DMPK: variants seen among roughly 807,000 people sequenced by gnomAD.
DMPK encodes the protein myotonin-protein kinase.
Under a neutral mutation model 70.3 loss-of-function variants are expected in DMPK, and 32 were observed. That is an observed-to-expected ratio of 0.46 (90% CI 0.34 to 0.61). The LOEUF (loss-of-function observed/expected upper bound fraction) is 0.61. Ranked by LOEUF, DMPK falls within the 20% of genes least tolerant of loss-of-function variation. The probability of loss-of-function intolerance (pLI) is 0.01; values close to 1 mark genes in which losing one functional copy is unlikely to be tolerated. For synonymous variants in DMPK, 469 were observed against 390.9 expected (o/e 1.20, Z -2.36); for missense variants, 899 against 886.0 (o/e 1.01, Z -0.19).
At position 45,776,134 on chromosome 19, in the gene DMPK, AT is replaced by A. The variant is rs534946812; in HGVS notation, c.1147-1101del. Among the ~76,000 whole-genome samples, 402 of 48,338 alleles carry A rather than the reference AT, an allele frequency of 8.3e-3. 12 individuals carry two copies. Among genetic ancestry groups the A allele is most frequent in the African/African-American group, 0.03 (355 of 11,940 alleles). 31.7% of individuals were successfully genotyped at this position (48,338 alleles called of 152,430 possible). A position where few individuals can be genotyped will look rare whatever the true frequency, so the allele number is the denominator to read the frequency against. ...ACAGCGCCCGGCCGCGGTCCAGCCTATTTTTTTTTTTTTTTTTTTTTTTTTC... is the reference window on the plus strand; with the variant it reads ...ACAGCGCCCGGCCGCGGTCCAGCCTATTTTTTTTTTTTTTTTTTTTTTTTC... On this transcript the variant is annotated intron_variant, in intron 8 of 14. Coordinates refer to ENST00000291270, the MANE Select transcript of DMPK (RefSeq NM_004409.5).
Position 45,777,319 on chromosome 19 carries a change from G to A in DMPK, c.1146+8C>T, listed in dbSNP as rs1969825638. ...TCCCGCAGCCGAGCAGGGGCCACAG[G>A]TACCTACCCCGCCCCCGCTCACCAT... On this transcript the variant is annotated splice_region_variant and intron_variant, in intron 8 of 14. Coordinates refer to ENST00000291270, the MANE Select transcript of DMPK (RefSeq NM_004409.5). The surrounding 1 kb of genome is among the most constrained non-coding windows in gnomAD (Gnocchi z 6.7). The A allele has an allele frequency of 6.4e-7, 1 of 1,556,832 alleles. No homozygotes were observed. The highest frequency in any genetic ancestry group is 1.4e-5 in the African/African-American group (1 of 73,464).
rs1208053748 is a variant in DMPK at position 45,769,974 on chromosome 19, G to A, written c.*514C>T. ...GGGCGCGGGATCCCCGAAAAAGCGG[G>A]TTTGGCAAAAGCAAATTTCCCGAGT... On this transcript the variant is annotated 3_prime_UTR_variant, in exon 15 of 15. Coordinates refer to ENST00000291270, the MANE Select transcript of DMPK (RefSeq NM_004409.5). 6.3e-6 allele frequency: 2 copies of A among 319,270 alleles called. No homozygotes were observed. Among genetic ancestry groups the A allele is most frequent in the South Asian group, 3.3e-5 (1 of 29,904 alleles). The allele number at this position is 319,270 out of a possible 1,614,324, so 19.8% of individuals were successfully genotyped here. A position where few individuals can be genotyped will look rare whatever the true frequency, so the allele number is the denominator to read the frequency against.
At chr19:45,781,646 G>C (rs1265955514) in intron 1 of DMPK, among the ~76,000 whole-genome samples, 2 of 152,226 alleles carry the variant, frequency 1.3e-5, no homozygotes, top group Admixed American at 1.3e-4. Context: ...TGTCTGCAAA[G>C]CTGGTTCTCC....
chr19:45,770,595 C>G lies in DMPK; in HGVS notation c.1783G>C (p.Ala595Pro). The change falls in exon 15 of 15, where the codon GCC (alanine) becomes CCC (proline). Residue 595 changes from alanine to proline, a missense_variant. This residue lies in a region of DMPK where 555 missense variants were observed against 483.8 expected (regional missense o/e 1.15). Coordinates refer to ENST00000291270, the MANE Select transcript of DMPK (RefSeq NM_004409.5). Reference protein sequence around the residue: ...LSEALSLLLFAVVLSRAAALG... With the variant: ...LSEALSLLLFPVVLSRAAALG... ...GCGGCGGCACGAGACAGAACAACGGCGAACAGGAGCAGGGAAAGCGCCTCC... is the reference window on the plus strand; with the variant it reads ...GCGGCGGCACGAGACAGAACAACGGGGAACAGGAGCAGGGAAAGCGCCTCC... The G allele has an allele frequency of 1.3e-6, 2 of 1,552,792 alleles. No individual in the cohort carries two copies. Among genetic ancestry groups the G allele is most frequent in the South Asian group, 2.4e-5 (2 of 84,144 alleles).
At position 45,770,090 on chromosome 19, in the gene DMPK, T is replaced by G; in HGVS notation, c.*398A>C. ...TTTGCGAACCAACGATAGGTGGGGGTGCGTGGAGGATGGAACACGGACGGC... is the reference window on the plus strand; with the variant it reads ...TTTGCGAACCAACGATAGGTGGGGGGGCGTGGAGGATGGAACACGGACGGC... On this transcript the variant is annotated 3_prime_UTR_variant, in exon 15 of 15. Coordinates refer to ENST00000291270, the MANE Select transcript of DMPK (RefSeq NM_004409.5). 2 of 542,510 alleles carry G rather than the reference T, an allele frequency of 3.7e-6. No homozygotes were observed. Among genetic ancestry groups the G allele is most frequent in the Admixed American group, 5.2e-5 (2 of 38,314 alleles). 33.6% of individuals were successfully genotyped at this position (542,510 alleles called of 1,614,324 possible). A position where few individuals can be genotyped will look rare whatever the true frequency, so the allele number is the denominator to read the frequency against.
At chr19:45,771,185 G>A in intron 13 of DMPK, 125 bp from the exon 14 acceptor site, 13 of 1,186,390 alleles carry the variant, frequency 1.1e-5, no homozygotes, top group Non-Finnish European at 1.5e-5. Flanking sequence ...GGAATCTGGT[G>A]AGGCCTGAAC....
Position 45,771,911 on chromosome 19 carries a change from T to C in DMPK, c.1362A>G (p.Pro454=), listed in dbSNP as rs1229613243. 6.3e-7 allele frequency: 1 copy of C among 1,595,942 alleles called. No individual in the cohort carries two copies. ...PQDETAEVAV[P]AAVPAAEAEA... is the part of the protein sequence containing the mutation. Reference sequence around the variant, plus strand: ...CAGCCTCTGCCGCAGGGACAGCCGCTGGAACTGCCACTTCAGCCTGTGTAT... The same window carrying C: ...CAGCCTCTGCCGCAGGGACAGCCGCCGGAACTGCCACTTCAGCCTGTGTAT... Residue 454 remains proline (P), a synonymous_variant, in exon 11 of 15, where the codon CCA becomes CCG. Transcript: ENST00000291270.
In DMPK at chr19:45,777,834, A is replaced by T. The variant is rs1202672281; in HGVS notation, c.715T>A (p.Ser239Thr). The T allele has an allele frequency of 1.9e-6, 3 of 1,611,360 alleles. No homozygotes were observed. The highest frequency in any genetic ancestry group is 3.3e-5 in the Admixed American group (2 of 59,984). Residue 239 changes from serine to threonine, a missense_variant, in exon 7 of 15, where the codon TCC becomes ACC. Physicochemically the swap from Ser to Thr is moderately conservative, Grantham distance 58 (BLOSUM62 1). Around this residue, in one of 3 missense-constraint regions of DMPK, gnomAD observed 195 missense variants for 259.7 expected, o/e 0.75. Coordinates refer to ENST00000291270, the MANE Select transcript of DMPK (RefSeq NM_004409.5). The surrounding 1 kb of genome is among the most constrained non-coding windows in gnomAD (Gnocchi z 6.7). The stretch of plus-strand genomic sequence containing the variant: ...CCCACAGCCTGCAGGATCTCGGGGG[A>T]CAGGTAGTCTGGGGTGCCCACAGCC... ...LVAVGTPDYL[S>T]PEILQAVGGG...
At position 45,778,228 on chromosome 19, in the gene DMPK, G is replaced by A; in HGVS notation, c.582-8C>T. 1 of 1,610,342 alleles carries A rather than the reference G, an allele frequency of 6.2e-7. No individual in the cohort carries two copies. Among genetic ancestry groups the A allele is most frequent in the East Asian group, 2.2e-5 (1 of 44,744 alleles). On this transcript the variant is annotated splice_polypyrimidine_tract_variant and splice_region_variant and intron_variant, in intron 5 of 14. Coordinates refer to ENST00000291270, the MANE Select transcript of DMPK (RefSeq NM_004409.5). ...TTGTCGGGTTTGATGTCCCTGCACG[G>A]AGGAAAAGAGAAGGGTGGGATAAAT...
chr19:45,773,522 C>G (rs1301855982), intron 9 of DMPK, among the ~76,000 whole-genome samples: 4 of 152,242 alleles, frequency 2.6e-5, no homozygotes, highest in Non-Finnish European at 5.9e-5. Context: ...CTGTTCTCCA[C>G]TATTTAAACA....
At position 45,772,578 on chromosome 19, in the gene DMPK, G is replaced by C. The variant is rs1158442162; in HGVS notation, c.1344+63C>G. On this transcript the variant is annotated intron_variant, in intron 10 of 14. Transcript: ENST00000291270. ...AGGGCTCTACAGTGCACGCCACCCG[G>C]GAAGCCCTCACCTTTTCTCTCCCAA... 1.7e-5 allele frequency: 19 copies of C among 1,110,376 alleles called. No homozygotes were observed. The East Asian group carries it at 4.6e-4, about 27-fold the overall frequency. 68.8% of individuals were successfully genotyped at this position (1,110,376 alleles called of 1,614,324 possible).
At chr19:45,773,156 G>GGGGTCCTAA (rs1969571137) in intron 9 of DMPK, among the ~76,000 whole-genome samples, 3 of 152,216 alleles carry the variant, frequency 2.0e-5, no homozygotes, top group Non-Finnish European at 4.4e-5. Flanking sequence ...TCCTAAGACT[G>GGGGTCCTAA]GGCATGGGAC....
At position 45,780,645 on chromosome 19, in the gene DMPK, GGAA is replaced by G. The variant is rs1970061898; in HGVS notation, c.161-779_161-777del. On this transcript the variant is annotated intron_variant, in intron 1 of 14. Coordinates refer to ENST00000291270, the MANE Select transcript of DMPK (RefSeq NM_004409.5). The stretch of plus-strand genomic sequence containing the variant: ...CAGGGAGGCCTGGACTCCCGGGGGT[GGAA>G]GAAGTGGAGGCAGGATGGAGAGAGG... 5.0e-6 allele frequency: 5 copies of G among 1,002,568 alleles called. No homozygotes were observed. In the Admixed American group the frequency reaches 3.0e-4, roughly 60 times the overall value. The allele number at this position is 1,002,568 out of a possible 1,614,324, so 62.1% of individuals were successfully genotyped here.
Position 45,772,885 on chromosome 19 carries a change from G to A in DMPK, c.1233-133C>T, listed in dbSNP as rs541925402. On this transcript the variant is annotated intron_variant, in intron 9 of 14. Transcript: ENST00000291270. ...ATTTGAGGAAGGGGAGCAGCAGAGCGAAGAGAACAGAGTCCCAGGTAGGCC... is the reference window on the plus strand; with the variant it reads ...ATTTGAGGAAGGGGAGCAGCAGAGCAAAGAGAACAGAGTCCCAGGTAGGCC... The A allele has an allele frequency of 9.4e-5, 48 of 512,830 alleles. No individual in the cohort carries two copies. The East Asian group carries it at 1.3e-3, about 13-fold the overall frequency. 31.8% of individuals were successfully genotyped at this position (512,830 alleles called of 1,614,324 possible). A position where few individuals can be genotyped will look rare whatever the true frequency, so the allele number is the denominator to read the frequency against.
chr19:45,778,984 T>C lies in DMPK; in HGVS notation c.432+280A>G, dbSNP rs1969947852. The C allele has an allele frequency of 4.7e-5, 27 of 578,850 alleles. No individual in the cohort carries two copies. The South Asian group carries it at 5.4e-4, about 12-fold the overall frequency. The allele number at this position is 578,850 out of a possible 1,614,324, so 35.9% of individuals were successfully genotyped here. On this transcript the variant is annotated intron_variant, in intron 4 of 14. Coordinates refer to ENST00000291270, the MANE Select transcript of DMPK (RefSeq NM_004409.5). ...TAGGCAGTGGCCCCGTTAGAATTCC[T>C]GAAGACCTATCCCATTCCAGGTAAG...
intron 9 of DMPK, among the ~76,000 whole-genome samples, chr19:45,774,183 C>T (rs1969644567): frequency 6.6e-6 from 1 of 151,824 alleles, no homozygotes; most frequent in Admixed American, 6.6e-5. Context: ...AACTCCTGAC[C>T]TCAGGTGATC....
intron 4 of DMPK, 50 bp from the exon 5 acceptor site, chr19:45,778,691 C>A (rs778365025): frequency 3.1e-6 from 5 of 1,587,798 alleles, no homozygotes; most frequent in Admixed American, 1.7e-5. Context: ...AGGCCCTGAT[C>A]CATCACGGAT....
chr19:45,772,384 T>A, intron 10 of DMPK: 2 of 398,018 alleles, frequency 5.0e-6, no homozygotes, highest in Non-Finnish European at 8.9e-6. Flanking sequence ...TTTCCTTCCA[T>A]GGCTTGTTTC....
intron 4 of DMPK, 107 bp downstream of exon 4, chr19:45,779,157 G>C: frequency 8.7e-7 from 1 of 1,150,148 alleles, no homozygotes; most frequent in Non-Finnish European, 1.3e-6. Context: ...TCCCACAGAC[G>C]TTTCCGGGCA....
Sources: gnomAD v4.1 joint callset for allele counts (sites outside exome capture counted in the v4.1 genomes callset) on GRCh38, gnomAD v4.1.1 for gene constraint, gnomAD v4.1.1 regional missense constraint, Gnocchi (gnomAD v3.1) non-coding constraint, MANE v1.5 for transcripts, NCBI Gene and HGNC (gene_info 2026-07-23, HGNC 2026-07-21) for gene names.